The following DCC variants were observed in gnomAD, a reference collection of about 807,000 sequenced individuals.
DCC encodes DCC netrin 1 receptor.
A neutral mutation model predicts 172.5 loss-of-function variants in DCC; 58 were observed. That is an observed-to-expected ratio of 0.34 (90% CI 0.27 to 0.42). The LOEUF is 0.42. Ranked by LOEUF, DCC falls within the 10% of genes least tolerant of loss-of-function variation. DCC has a pLI of 1.00. For missense variants in DCC, 1,740 were observed against 1,791.0 expected, an observed-to-expected ratio of 0.97 and a Z score of 0.51; for synonymous variants, 709 against 644.5, an observed-to-expected ratio of 1.10 and a Z score of -1.52.
intron 1 of DCC, among the ~76,000 whole-genome samples, chr18:52,725,475 A>G (rs2036537406): frequency 6.6e-6 from 1 of 152,232 alleles, no homozygotes. Context: ...CCCAAATAAT[A>G]TCACCTATTG....
chr18:52,875,167 G>A (rs1419072355), intron 2 of DCC, among the ~76,000 whole-genome samples: 1 of 151,818 alleles, frequency 6.6e-6, no homozygotes, highest in Admixed American at 6.6e-5. Flanking sequence ...TCACCACCCA[G>A]AAAGGCTTTT....
At chr18:52,757,470 AC>A in intron 2 of DCC, among the ~76,000 whole-genome samples, 1 of 151,990 alleles carries the variant, frequency 6.6e-6, no homozygotes, top group Non-Finnish European at 1.5e-5. Flanking sequence ...TACAACCATG[AC>A]CCCCTGTCCA....
intron 1 of DCC, among the ~76,000 whole-genome samples, chr18:52,544,473 C>T (rs563624157): frequency 6.6e-6 from 1 of 150,410 alleles, no homozygotes; most frequent in African/African-American, 2.5e-5. Context: ...TGTGGCACCA[C>T]AAGACATTCC....
intron 6 of DCC, among the ~76,000 whole-genome samples, chr18:53,065,519 C>T (rs996261994): frequency 2.6e-5 from 4 of 152,146 alleles, no homozygotes; most frequent in African/African-American, 9.6e-5. Flanking sequence ...ACCCCAAAAG[C>T]TTATATGTCA....
At chr18:53,036,250 C>A (rs139570446) in intron 5 of DCC, among the ~76,000 whole-genome samples, 29 of 152,092 alleles carry the variant, frequency 1.9e-4, no homozygotes, top group African/African-American at 6.7e-4. Flanking sequence ...ATAGTCAGTT[C>A]TACTATAATG....
intron 2 of DCC, among the ~76,000 whole-genome samples, chr18:52,755,247 T>A (rs1205666714): frequency 6.6e-6 from 1 of 152,194 alleles, no homozygotes; most frequent in Non-Finnish European, 1.5e-5. Context: ...TTTTGATGCC[T>A]TATTATGAAA....
intron 1 of DCC, among the ~76,000 whole-genome samples, chr18:52,479,991 A>G (rs1022453758): frequency 8.5e-5 from 13 of 152,098 alleles, no homozygotes; most frequent in Non-Finnish European, 1.3e-4. Context: ...ATGGATCATC[A>G]ATTCTATGTA....
chr18:52,481,697 T>A (rs1049760120), intron 1 of DCC, among the ~76,000 whole-genome samples: 1 of 152,098 alleles, frequency 6.6e-6, no homozygotes, highest in African/African-American at 2.4e-5. Context: ...ATGTTGGAAC[T>A]CTAACAGTGA....
At chr18:53,496,557 A>G (rs2144422951) in intron 26 of DCC, among the ~76,000 whole-genome samples, 1 of 152,334 alleles carries the variant, frequency 6.6e-6, no homozygotes, top group East Asian at 1.9e-4. Flanking sequence ...CCTCTTCTCC[A>G]AAGGATCACA....
chr18:52,992,158 C>G (rs1307818664), intron 5 of DCC, among the ~76,000 whole-genome samples: 1 of 152,190 alleles, frequency 6.6e-6, no homozygotes, highest in East Asian at 1.9e-4. Context: ...GACGCTTAGT[C>G]ATTCTCTGTT....
chr18:53,412,375 T>C (rs1180667484), intron 20 of DCC, among the ~76,000 whole-genome samples: 22 of 152,310 alleles, frequency 1.4e-4, no homozygotes, highest in African/African-American at 4.6e-4. Flanking sequence ...ATTAATAATT[T>C]TGTACATGTA....
chr18:53,313,155 C>T (rs1051071205), intron 13 of DCC, among the ~76,000 whole-genome samples: 4 of 151,908 alleles, frequency 2.6e-5, no homozygotes, highest in East Asian at 3.9e-4. Context: ...AGAGTTGGGG[C>T]CCCCAAAAAT....
intron 1 of DCC, among the ~76,000 whole-genome samples, chr18:52,691,404 C>T (rs12455373): frequency 0.15 from 22,117 of 152,044 alleles, 1,921 homozygotes; most frequent in Admixed American, 0.25. Flanking sequence ...AATTTATTCT[C>T]TCACAGTTCT....
At chr18:53,060,612 A>C (rs2042480592) in intron 5 of DCC, among the ~76,000 whole-genome samples, 1 of 152,312 alleles carries the variant, frequency 6.6e-6, no homozygotes, top group South Asian at 2.1e-4. Context: ...CAATATTACA[A>C]CTATAATAAT....
chr18:52,623,405 C>T (rs962138878), intron 1 of DCC, among the ~76,000 whole-genome samples: 2 of 152,176 alleles, frequency 1.3e-5, no homozygotes, highest in Non-Finnish European at 2.9e-5. Context: ...CAAAGATGTG[C>T]AGCTGGAAGA....
At chr18:53,528,027 A>C (rs1408373870) in intron 28 of DCC, among the ~76,000 whole-genome samples, 1 of 152,152 alleles carries the variant, frequency 6.6e-6, no homozygotes, top group East Asian at 1.9e-4. Flanking sequence ...AAAATTTGCA[A>C]ATAATGTATT....
intron 19 of DCC, among the ~76,000 whole-genome samples, chr18:53,405,315 G>A (rs935774343): frequency 7.9e-5 from 12 of 152,118 alleles, no homozygotes; most frequent in Non-Finnish European, 1.5e-4. Flanking sequence ...GTGTATGGCA[G>A]GCAGTAGAGC....
At chr18:52,601,414 T>C (rs2034015326) in intron 1 of DCC, among the ~76,000 whole-genome samples, 3 of 152,112 alleles carry the variant, frequency 2.0e-5, no homozygotes, top group Non-Finnish European at 1.5e-5. Context: ...TGTAAACATC[T>C]AATCTCCTGT....
At chr18:52,558,575 A>T (rs1322067539) in intron 1 of DCC, among the ~76,000 whole-genome samples, 2 of 152,034 alleles carry the variant, frequency 1.3e-5, no homozygotes, top group East Asian at 3.9e-4. Context: ...TCATATTGTG[A>T]TTTAATACAA....
Sources: gnomAD v4.1 joint callset for allele counts (sites outside exome capture counted in the v4.1 genomes callset) on GRCh38, gnomAD v4.1.1 for gene constraint, MANE v1.5 for transcripts, NCBI Gene and HGNC (gene_info 2026-07-23, HGNC 2026-07-21) for gene names.